Variants in STXBP5L observed in about 807,000 individuals in gnomAD.
The protein encoded by STXBP5L is syntaxin binding protein 5L.
In STXBP5L, 65 loss-of-function variants were observed where a neutral mutation model predicts 144.5. That is an observed-to-expected ratio of 0.45 (90% confidence interval 0.37 to 0.55). The LOEUF (loss-of-function observed/expected upper bound fraction) is 0.55. Among genes scored for constraint, STXBP5L ranks in the 20% least tolerant of loss-of-function variants. The pLI is 0.00. For synonymous variants in STXBP5L, 505 were observed against 469.6 expected (o/e 1.08, Z -0.97); for missense variants, 1,298 against 1,405.5 (o/e 0.92, Z 1.22).
At chr3:121,287,591 G>A (rs1051288173) in intron 19 of STXBP5L, among the ~76,000 whole-genome samples, 3 of 151,986 alleles carry the variant, frequency 2.0e-5, no homozygotes, top group African/African-American at 7.3e-5. Context: ...AGCACTTTGG[G>A]AGGCTGAGGT....
chr3:121,083,982 A>G (rs1674757236), intron 5 of STXBP5L, among the ~76,000 whole-genome samples: 1 of 152,074 alleles, frequency 6.6e-6, no homozygotes, highest in South Asian at 2.1e-4. Context: ...TTCTCCTAAA[A>G]AAATCTCCTA....
chr3:121,071,576 A>G (rs1433364604), intron 5 of STXBP5L, among the ~76,000 whole-genome samples: 2 of 152,200 alleles, frequency 1.3e-5, no homozygotes, highest in Non-Finnish European at 2.9e-5. Context: ...AACCCAAGGT[A>G]TGATACCTGC....
chr3:121,175,146 A>G (rs1168161280), intron 9 of STXBP5L, among the ~76,000 whole-genome samples: 2 of 152,134 alleles, frequency 1.3e-5, no homozygotes, highest in Non-Finnish European at 2.9e-5. Context: ...ACAAGGAAAA[A>G]TAACAATAGA....
chr3:120,928,064 G>C (rs1709731611), intron 2 of STXBP5L, among the ~76,000 whole-genome samples: 1 of 152,074 alleles, frequency 6.6e-6, no homozygotes, highest in East Asian at 1.9e-4. Context: ...ATCAGGGAGG[G>C]AAGTATGTGA....
intron 19 of STXBP5L, among the ~76,000 whole-genome samples, chr3:121,303,514 C>A (rs962570051): frequency 1.3e-5 from 2 of 152,130 alleles, no homozygotes; most frequent in African/African-American, 4.8e-5. Context: ...TTGACCCAGC[C>A]ATCCCATTAC....
At chr3:121,014,678 T>A (rs187564047) in intron 3 of STXBP5L, among the ~76,000 whole-genome samples, 4 of 151,764 alleles carry the variant, frequency 2.6e-5, no homozygotes, top group Non-Finnish European at 5.9e-5. Context: ...AAAATAGGGG[T>A]ACAATTTTAC....
intron 9 of STXBP5L, among the ~76,000 whole-genome samples, chr3:121,170,432 A>AATTG (rs2046664844): frequency 2.0e-5 from 3 of 151,360 alleles, no homozygotes; most frequent in Non-Finnish European, 4.4e-5. Flanking sequence ...ACATCAACAA[A>AATTG]ATAGACCGCT....
chr3:121,363,717 A>G (rs2045783417), intron 20 of STXBP5L, among the ~76,000 whole-genome samples: 1 of 152,064 alleles, frequency 6.6e-6, no homozygotes, highest in African/African-American at 2.4e-5. Context: ...AGGTGTTATG[A>G]GTGCTCACCT....
At chr3:120,920,128 T>C (rs990053978) in intron 2 of STXBP5L, among the ~76,000 whole-genome samples, 7 of 151,860 alleles carry the variant, frequency 4.6e-5, no homozygotes, top group Non-Finnish European at 1.0e-4. Context: ...CTAATACTTA[T>C]TGAGACTATT....
rs189894653 is a variant in STXBP5L at position 121,415,070 on chromosome 3, A to G, written c.3115-787A>G. On this transcript the variant is annotated intron_variant, in intron 24 of 26. Transcript: ENST00000471454. ...CACAGGTCTCAGTAGAGGTAAAGGGAGATGATGCAATTAAAATCATACTGG... is the reference window on the plus strand; with the variant it reads ...CACAGGTCTCAGTAGAGGTAAAGGGGGATGATGCAATTAAAATCATACTGG... Among the ~76,000 whole-genome samples the G allele has an allele frequency of 9.4e-4, 143 of 152,258 alleles. 1 individual carries two copies. The highest frequency in any genetic ancestry group is 3.1e-3 in the African/African-American group (127 of 41,548).
intron 3 of STXBP5L, among the ~76,000 whole-genome samples, chr3:120,960,978 A>T (rs1038901410): frequency 2.6e-5 from 4 of 151,516 alleles, no homozygotes; most frequent in Admixed American, 6.6e-5. Flanking sequence ...GATTTTTTTT[A>T]AATTACTGTT....
intron 5 of STXBP5L, among the ~76,000 whole-genome samples, chr3:121,094,815 A>G (rs113779305): frequency 0.019 from 2,941 of 151,886 alleles, 90 homozygotes; most frequent in African/African-American, 0.066. Context: ...ACCTTTCATT[A>G]TGATGTTAGG....
chr3:121,052,685 C>A (rs989948247), intron 5 of STXBP5L, among the ~76,000 whole-genome samples: 4 of 151,982 alleles, frequency 2.6e-5, no homozygotes, highest in Admixed American at 2.6e-4. Context: ...AAAACTGGCA[C>A]AAGACAGGGA....
At chr3:120,925,612 C>T (rs1290797103) in intron 2 of STXBP5L, among the ~76,000 whole-genome samples, 2 of 152,092 alleles carry the variant, frequency 1.3e-5, no homozygotes, top group Non-Finnish European at 2.9e-5. Context: ...ATGCCTTTTA[C>T]TTGGATAATT....
chr3:120,992,722 A>G (rs1361682114), intron 3 of STXBP5L, among the ~76,000 whole-genome samples: 1 of 152,028 alleles, frequency 6.6e-6, no homozygotes, highest in Non-Finnish European at 1.5e-5. Flanking sequence ...ACTTAGCTTG[A>G]TTCTATATCT....
At position 121,378,901 on chromosome 3, in the gene STXBP5L, T is replaced by C. The variant is rs746961724; in HGVS notation, c.2347+15T>C. 1 of 1,599,492 alleles carries C rather than the reference T, an allele frequency of 6.3e-7. No individual in the cohort carries two copies. Among genetic ancestry groups the C allele is most frequent in the South Asian group, 1.1e-5 (1 of 89,236 alleles). ...TACAACAGAAGGTATGTTAAACATA[T>C]TAAATTTTTTTGTTACAGTTAAAAT... is the stretch of plus-strand genomic sequence containing the variant. On this transcript the variant is annotated intron_variant, in intron 21 of 26. Transcript: ENST00000471454.
intron 9 of STXBP5L, among the ~76,000 whole-genome samples, chr3:121,168,039 AG>A (rs2046565828): frequency 6.6e-6 from 1 of 152,184 alleles, no homozygotes; most frequent in Admixed American, 6.5e-5. Flanking sequence ...CCAGGCAAAC[AG>A]GGTCTGGAGT....
rs1042716952 is a variant in STXBP5L at position 121,421,354 on chromosome 3, C to T, written c.*2257C>T. On this transcript the variant is annotated 3_prime_UTR_variant, in exon 27 of 27. Coordinates refer to ENST00000471454, the MANE Select transcript of STXBP5L (RefSeq NM_001308330.2). ...GATCTACATCGAGATTTCTCAAAAGCAGCACTATTAGCTGAAAGTCTTTGT... is the reference window on the plus strand; with the variant it reads ...GATCTACATCGAGATTTCTCAAAAGTAGCACTATTAGCTGAAAGTCTTTGT... 2.0e-5 allele frequency: 3 copies of T among 149,570 alleles called. No individual in the cohort carries two copies. Among genetic ancestry groups the T allele is most frequent in the Admixed American group, 7.8e-5 (1 of 12,880 alleles). The allele number at this position is 149,570 out of a possible 1,614,324, so 9.3% of individuals were successfully genotyped here.
chr3:120,927,578 A>G (rs1709703865), intron 2 of STXBP5L, among the ~76,000 whole-genome samples: 1 of 152,224 alleles, frequency 6.6e-6, no homozygotes, highest in Non-Finnish European at 1.5e-5. Context: ...CAAAGTAGAA[A>G]TCATGAGTTG....
Sources: allele counts gnomAD v4.1 joint callset (sites outside exome capture counted in the v4.1 genomes callset), GRCh38; gene constraint gnomAD v4.1.1; transcripts MANE v1.5; gene names NCBI Gene and HGNC (gene_info 2026-07-23, HGNC 2026-07-21).